The following PGAM1 variants were observed in gnomAD, a reference collection of about 807,000 sequenced individuals.
The protein encoded by PGAM1 is BPG-dependent PGAM 1.
Under a neutral mutation model 23.5 loss-of-function variants are expected in PGAM1, and 21 were observed. That is an observed-to-expected ratio of 0.89 (90% confidence interval 0.63 to 1.29). PGAM1 has a LOEUF of 1.29. PGAM1 is among the 50% of genes most tolerant of loss of function. The pLI is 0.00. For missense variants in PGAM1, 232 were observed against 336.3 expected (o/e 0.69, Z 2.42); for synonymous variants, 109 against 128.6 (o/e 0.85, Z 1.03).
chr10:97,429,524 G>A (rs187406412), intron 1 of PGAM1, among the ~76,000 whole-genome samples: 1 of 152,302 alleles, frequency 6.6e-6, no homozygotes, highest in Non-Finnish European at 1.5e-5. Context: ...TCTTTCTTTA[G>A]TGAGTGGCTT....
Position 97,426,259 on chromosome 10 carries a change from C to T in PGAM1, c.-49C>T. 1 of 1,609,426 alleles carries T rather than the reference C, an allele frequency of 6.2e-7. No individual in the cohort carries two copies. The highest frequency in any genetic ancestry group is 8.5e-7 in the Non-Finnish European group (1 of 1,178,884). On this transcript the variant is annotated 5_prime_UTR_variant, in exon 1 of 4. Coordinates refer to ENST00000334828, the MANE Select transcript of PGAM1 (RefSeq NM_002629.4). The stretch of plus-strand genomic sequence containing the variant: ...GCGCGGCCGACGGGGCGGGCTGCTA[C>T]TCCGGAATCTGCTAATCCCAGTCGG...
Position 97,431,885 on chromosome 10 carries a change from C to G in PGAM1, c.596-470C>G, listed in dbSNP as rs553722775. On this transcript the variant is annotated intron_variant, in intron 3 of 3. Transcript: ENST00000334828. Reference sequence around the variant, plus strand: ...CCTGGGTGAGAGAGTAAGACCTTGTCTCTTAAAAAAAAAAAAAAGGAAAAC... The same window carrying G: ...CCTGGGTGAGAGAGTAAGACCTTGTGTCTTAAAAAAAAAAAAAAGGAAAAC... Among the ~76,000 whole-genome samples, 18 of 135,774 alleles carry G rather than the reference C, an allele frequency of 1.3e-4. No individual in the cohort carries two copies. In the East Asian group the frequency reaches 3.4e-3, roughly 25 times the overall value. 89.1% of individuals were successfully genotyped at this position (135,774 alleles called of 152,430 possible).
rs150405032 is a variant in PGAM1 at position 97,430,150 on chromosome 10, A to T, written c.140-229A>T. Among the ~76,000 whole-genome samples the T allele has an allele frequency of 3.3e-3, 505 of 152,284 alleles. 1 individual carries two copies. The highest frequency in any genetic ancestry group is 0.01 in the Middle Eastern group (3 of 294). On this transcript the variant is annotated intron_variant, in intron 1 of 3. Transcript: ENST00000334828. ...ATGGGGATAGCTAGAGATGGTGGTGAAAAGTTGGATTCTGGAGTCCCACAG... is the reference window on the plus strand; with the variant it reads ...ATGGGGATAGCTAGAGATGGTGGTGTAAAGTTGGATTCTGGAGTCCCACAG...
intron 1 of PGAM1, chr10:97,428,061 T>C: frequency 1.8e-6 from 1 of 559,122 alleles, no homozygotes; most frequent in South Asian, 1.7e-5. Flanking sequence ...TTTAGCTCTG[T>C]GGCAGGAAGA....
intron 1 of PGAM1, among the ~76,000 whole-genome samples, chr10:97,428,470 TTGA>T (rs1845435030): frequency 6.6e-6 from 1 of 152,188 alleles, no homozygotes; most frequent in Admixed American, 6.5e-5. Flanking sequence ...ATGTTTTAGT[TTGA>T]TGGGCAAGTT....
Position 97,426,306 on chromosome 10 carries a change from C to T in PGAM1, c.-2C>T, listed in dbSNP as rs768449766. On this transcript the variant is annotated 5_prime_UTR_variant, in exon 1 of 4. Coordinates refer to ENST00000334828, the MANE Select transcript of PGAM1 (RefSeq NM_002629.4). ...TCGGTGCCGCATCCCCAGCCCGCCG[C>T]CATGGCCGCCTACAAACTGGTGCTG... 2.2e-4 allele frequency: 356 copies of T among 1,610,220 alleles called. No homozygotes were observed. The highest frequency in any genetic ancestry group is 2.9e-4 in the Non-Finnish European group (346 of 1,179,270).
chr10:97,431,012 G>A lies in PGAM1; in HGVS notation c.472G>A (p.Asp158Asn). The A allele has an allele frequency of 3.7e-6, 6 of 1,613,984 alleles. No individual in the cohort carries two copies. Among genetic ancestry groups the A allele is most frequent in the African/African-American group, 1.3e-5 (1 of 75,034 alleles). Reference protein sequence around the residue: ...DQLPSCESLKDTIARALPFWN... With the variant: ...DQLPSCESLKNTIARALPFWN... Reference sequence around the variant, plus strand: ...GCTACCCTCCTGTGAGAGTCTGAAGGATACTATTGCCAGAGCTCTGCCCTT... The same window carrying A: ...GCTACCCTCCTGTGAGAGTCTGAAGAATACTATTGCCAGAGCTCTGCCCTT... The change falls in exon 3 of 4, where the codon GAT (aspartate) becomes AAT (asparagine). Residue 158 changes from aspartate (D) to asparagine (N), a missense_variant. By Grantham distance (23) the Asp-to-Asn change is conservative. Around this residue, in one of 3 missense-constraint regions of PGAM1, gnomAD observed 191 missense variants for 241.7 expected, o/e 0.79. Transcript: ENST00000334828.
At chr10:97,429,478 G>C (rs894174687) in intron 1 of PGAM1, among the ~76,000 whole-genome samples, 2 of 152,190 alleles carry the variant, frequency 1.3e-5, no homozygotes, top group Non-Finnish European at 2.9e-5. Flanking sequence ...ATGGAAGACA[G>C]ATTCATTGAT....
chr10:97,430,723 A>G (rs1845461444), intron 2 of PGAM1, 70 bp downstream of exon 2: 10 of 1,588,780 alleles, frequency 6.3e-6, no homozygotes, highest in African/African-American at 1.3e-5. Flanking sequence ...GCCTAATCTC[A>G]CTGAACTTAC....
chr10:97,426,458 C>T lies in PGAM1; in HGVS notation c.139+12C>T. 1 of 1,586,800 alleles carries T rather than the reference C, an allele frequency of 6.3e-7. No individual in the cohort carries two copies. The highest frequency in any genetic ancestry group is 8.6e-7 in the Non-Finnish European group (1 of 1,167,080). ...GCAGGCGCTACGAGGTGCGGAGGGG[C>T]CGGGTGTGGGCTGCGAAGGGCCGGG... is the stretch of plus-strand genomic sequence containing the variant. On this transcript the variant is annotated intron_variant, in intron 1 of 3. Transcript: ENST00000334828.
In PGAM1 at chr10:97,427,463, GC is replaced by G. The variant is rs1485489328; in HGVS notation, c.139+1021del. The G allele has an allele frequency of 4.9e-6, 5 of 1,026,996 alleles. No homozygotes were observed. In the Admixed American group the frequency reaches 1.6e-4, roughly 33 times the overall value. 63.6% of individuals were successfully genotyped at this position (1,026,996 alleles called of 1,614,324 possible). On this transcript the variant is annotated intron_variant, in intron 1 of 3. Transcript: ENST00000334828. ...ATTTTATCTTTCTCATCTTTCCAAG[GC>G]CCCTTTATAGTTGGGAAAAGTGAGT...
intron 1 of PGAM1, chr10:97,427,072 G>A (rs899643884): frequency 1.3e-5 from 2 of 153,302 alleles, no homozygotes; most frequent in Non-Finnish European, 2.9e-5. Flanking sequence ...TGGACAGTTT[G>A]CCCTAATGGA....
intron 3 of PGAM1, among the ~76,000 whole-genome samples, chr10:97,431,768 A>G (rs1398018029): frequency 6.6e-6 from 1 of 152,164 alleles, no homozygotes; most frequent in East Asian, 1.9e-4. Flanking sequence ...GCTCATCTGT[A>G]GTCCCAGCTA....
At chr10:97,427,219 A>G (rs1170210024) in intron 1 of PGAM1, 7 of 957,704 alleles carry the variant, frequency 7.3e-6, no homozygotes, top group Non-Finnish European at 6.2e-6. Flanking sequence ...TACGGATCCT[A>G]GCGGATCGAC....
intron 1 of PGAM1, chr10:97,427,488 G>A: frequency 9.7e-7 from 1 of 1,027,682 alleles, no homozygotes. Context: ...GGAAAAGTGA[G>A]TATTTGGAAA....
Position 97,426,433 on chromosome 10 carries a change from G to A in PGAM1, c.126G>A (p.Gly42=), listed in dbSNP as rs1845410514. Residue 42 remains glycine, a synonymous_variant, in exon 1 of 4, where the codon GGG becomes GGA. Transcript: ENST00000334828. ...GCCACGAGGAGGCGAAGCGCGGCGG[G>A]CAGGCGCTACGAGGTGCGGAGGGGC... ...PAGHEEAKRG[G]QALRDAGYEF... 1 of 1,601,870 alleles carries A rather than the reference G, an allele frequency of 6.2e-7. No homozygotes were observed. Among genetic ancestry groups the A allele is most frequent in the African/African-American group, 1.3e-5 (1 of 74,492 alleles).
chr10:97,429,092 CTTTTTT>C (rs888329236), intron 1 of PGAM1, among the ~76,000 whole-genome samples: 2 of 84,752 alleles, frequency 2.4e-5, no homozygotes, highest in African/African-American at 5.5e-5. Context: ...AGACTGATTC[CTTTTTT>C]TTTTTTTTTT....
intron 1 of PGAM1, 92 bp downstream of exon 1, chr10:97,426,538 G>A: frequency 1.4e-6 from 2 of 1,403,192 alleles, no homozygotes; most frequent in Non-Finnish European, 1.9e-6. Context: ...GAGAGGGCCG[G>A]CACCTTGGGC....
Position 97,426,319 on chromosome 10 carries a change from C to G in PGAM1, c.12C>G (p.Tyr4Ter). The change falls in exon 1 of 4, where the codon TAC (tyrosine) becomes TAG (stop). Residue 4 changes from tyrosine to a stop codon, truncating the protein, a stop_gained. Transcript: ENST00000334828. LOFTEE classifies it high-confidence loss of function. MAA[Y>*]KLVLIRHGES... The stretch of plus-strand genomic sequence containing the variant: ...CCCAGCCCGCCGCCATGGCCGCCTA[C>G]AAACTGGTGCTGATCCGGCACGGCG... 6.2e-7 allele frequency: 1 copy of G among 1,610,518 alleles called. No homozygotes were observed. The highest frequency in any genetic ancestry group is 8.5e-7 in the Non-Finnish European group (1 of 1,179,198).
Sources: gnomAD v4.1 joint callset for allele counts (sites outside exome capture counted in the v4.1 genomes callset) on GRCh38, gnomAD v4.1.1 for gene constraint, gnomAD v4.1.1 regional missense constraint, MANE v1.5 for transcripts, NCBI Gene and HGNC (gene_info 2026-07-23, HGNC 2026-07-21) for gene names.